EPSTI1: variants seen among roughly 807,000 people sequenced by gnomAD.
EPSTI1 encodes the protein epithelial stromal interaction 1.
A neutral mutation model predicts 49.9 loss-of-function variants in EPSTI1; 66 were observed. The observed-to-expected ratio is 1.32, with a 90% CI of 1.08 to 1.62. The LOEUF (loss-of-function observed/expected upper bound fraction) is 1.62. Among genes scored for constraint, EPSTI1 ranks in the 40% most tolerant of loss-of-function variants. The pLI, the probability that EPSTI1 is intolerant of heterozygous loss-of-function variation, is 0.00. For synonymous variants in EPSTI1, 137 were observed against 130.7 expected (o/e 1.05, Z -0.33); for missense variants, 394 against 365.5 (o/e 1.08, Z -0.64).
At chr13:42,916,925 A>G (rs2037846775) in intron 8 of EPSTI1, among the ~76,000 whole-genome samples, 2 of 152,316 alleles carry the variant, frequency 1.3e-5, no homozygotes, top group South Asian at 4.1e-4. Flanking sequence ...ATGAACATCA[A>G]GTATGCCACT....
chr13:42,952,889 G>C (rs149515646), intron 6 of EPSTI1, among the ~76,000 whole-genome samples: 2 of 152,270 alleles, frequency 1.3e-5, no homozygotes, highest in Non-Finnish European at 2.9e-5. Flanking sequence ...AATTTTAGTG[G>C]CATGAGAAAT....
At chr13:42,971,784 G>C (rs1445409023) in intron 1 of EPSTI1, among the ~76,000 whole-genome samples, 1 of 152,210 alleles carries the variant, frequency 6.6e-6, no homozygotes, top group Non-Finnish European at 1.5e-5. Flanking sequence ...CCTTCAGCCA[G>C]CTTCAAACTG....
At chr13:42,895,918 A>G (rs559003901) in intron 9 of EPSTI1, among the ~76,000 whole-genome samples, 1 of 152,234 alleles carries the variant, frequency 6.6e-6, no homozygotes, top group Non-Finnish European at 1.5e-5. Context: ...GCAAATATAC[A>G]TTTATGGAAG....
intron 6 of EPSTI1, among the ~76,000 whole-genome samples, chr13:42,930,900 T>A (rs1251168767): frequency 6.6e-6 from 1 of 152,180 alleles, no homozygotes; most frequent in Non-Finnish European, 1.5e-5. Context: ...GGAGGATAAT[T>A]AGGATAAGGC....
chr13:42,949,861 A>G (rs1190788643), intron 6 of EPSTI1, among the ~76,000 whole-genome samples: 1 of 146,902 alleles, frequency 6.8e-6, no homozygotes, highest in Non-Finnish European at 1.5e-5. Context: ...CCCCGCCCCC[A>G]CCACCAACAA....
chr13:42,917,736 G>A (rs1364766760), intron 7 of EPSTI1, 112 bp from the exon 8 acceptor site: 12 of 696,056 alleles, frequency 1.7e-5, no homozygotes, highest in Admixed American at 1.5e-4. Flanking sequence ...CTCAACCTCC[G>A]TACTGAGCAT....
chr13:42,972,938 C>T (rs1381363258), intron 1 of EPSTI1, among the ~76,000 whole-genome samples: 1 of 152,072 alleles, frequency 6.6e-6, no homozygotes, highest in Non-Finnish European at 1.5e-5. Context: ...ACTCAGAGAT[C>T]CAAAACAGTG....
chr13:42,900,616 G>A (rs1005213761), intron 8 of EPSTI1, among the ~76,000 whole-genome samples: 4 of 151,692 alleles, frequency 2.6e-5, no homozygotes, highest in African/African-American at 9.7e-5. Flanking sequence ...TTAAAAGCCA[G>A]TGTGCATGGT....
chr13:42,952,999 C>A (rs1242730029), intron 6 of EPSTI1, among the ~76,000 whole-genome samples: 1 of 152,138 alleles, frequency 6.6e-6, no homozygotes, highest in Non-Finnish European at 1.5e-5. Context: ...CAAGGAACAA[C>A]AATGGAGTGA....
Position 42,992,021 on chromosome 13 carries a change from T to C in EPSTI1, c.145A>G (p.Lys49Glu), listed in dbSNP as rs749706518. 1.9e-6 allele frequency: 3 copies of C among 1,613,384 alleles called. No individual in the cohort carries two copies. The highest frequency in any genetic ancestry group is 2.2e-5 in the South Asian group (2 of 91,030). The change falls in exon 1 of 11, where the codon AAG (lysine) becomes GAG (glutamate). Residue 49 changes from lysine (K) to glutamate (E), a missense_variant. Lys to Glu is a moderately conservative substitution (Grantham distance 56). Transcript: ENST00000313624. ...DQREGLEAAP[K>E]GPSRESVVHA... Reference sequence around the variant, plus strand: ...ACGACGCTCTCCCGCGAAGGGCCCTTAGGGGCTGCCTCCAAACCCTCTCTC... The same window carrying C: ...ACGACGCTCTCCCGCGAAGGGCCCTCAGGGGCTGCCTCCAAACCCTCTCTC...
chr13:42,989,567 C>CTT, intron 1 of EPSTI1, among the ~76,000 whole-genome samples: 63 of 79,020 alleles, frequency 8.0e-4, no homozygotes, highest in East Asian at 1.8e-3. Flanking sequence ...CCTCTTTTTT[C>CTT]TTTTTTTTTT....
chr13:42,913,222 A>T (rs2037737328), intron 8 of EPSTI1, among the ~76,000 whole-genome samples: 1 of 152,162 alleles, frequency 6.6e-6, no homozygotes, highest in African/African-American at 2.4e-5. Context: ...GCTACTAATC[A>T]TAATAAATGA....
At chr13:42,957,943 T>C (rs1268214854) in intron 5 of EPSTI1, among the ~76,000 whole-genome samples, 1 of 152,232 alleles carries the variant, frequency 6.6e-6, no homozygotes, top group Non-Finnish European at 1.5e-5. Flanking sequence ...ATCTTTTCTT[T>C]CTTTCTTTTT....
chr13:42,890,092 C>T (rs144638480), intron 10 of EPSTI1, among the ~76,000 whole-genome samples: 132 of 152,124 alleles, frequency 8.7e-4, no homozygotes, highest in Middle Eastern at 3.4e-3. Context: ...AACTGCATAC[C>T]GCATTAAATA....
intron 6 of EPSTI1, among the ~76,000 whole-genome samples, chr13:42,939,167 G>A (rs528446183): frequency 7.9e-5 from 12 of 152,220 alleles, no homozygotes; most frequent in African/African-American, 2.6e-4. Flanking sequence ...CTCTAGCTTA[G>A]GCTTTGGCTT....
chr13:42,942,327 T>C (rs112775073), intron 6 of EPSTI1, among the ~76,000 whole-genome samples: 39 of 152,316 alleles, frequency 2.6e-4, no homozygotes, highest in African/African-American at 9.4e-4. Context: ...TTATTGGACT[T>C]AATATTTTGC....
intron 1 of EPSTI1, among the ~76,000 whole-genome samples, chr13:42,975,648 G>A (rs1429607813): frequency 2.0e-5 from 3 of 152,174 alleles, no homozygotes; most frequent in Non-Finnish European, 4.4e-5. Context: ...TCTTTCAGGT[G>A]GAGGTAATCC....
chr13:42,949,985 C>T (rs755264964), intron 6 of EPSTI1, among the ~76,000 whole-genome samples: 13 of 152,144 alleles, frequency 8.5e-5, no homozygotes, highest in Non-Finnish European at 1.6e-4. Context: ...TGTTACTTCA[C>T]GTCTTCCATC....
intron 8 of EPSTI1, among the ~76,000 whole-genome samples, chr13:42,904,448 T>C (rs1444068492): frequency 6.6e-6 from 1 of 152,216 alleles, no homozygotes; most frequent in Non-Finnish European, 1.5e-5. Context: ...GAAAACACTC[T>C]GGTATAGCAT....
Sources: allele counts gnomAD v4.1 joint callset (sites outside exome capture counted in the v4.1 genomes callset), GRCh38; gene constraint gnomAD v4.1.1; transcripts MANE v1.5; gene names NCBI Gene and HGNC (gene_info 2026-07-23, HGNC 2026-07-21).